The following ANKRD44 variants were observed in gnomAD, a reference collection of about 807,000 sequenced individuals.
ANKRD44 encodes ankyrin repeat domain 44.
In ANKRD44, 35 loss-of-function variants were observed where a neutral mutation model predicts 116.0. The observed-to-expected ratio is 0.30, with a 90% confidence interval of 0.23 to 0.40. The LOEUF is 0.40. Ranked by LOEUF, ANKRD44 falls within the 10% of genes least tolerant of loss-of-function variation. The pLI is 1.00. For missense variants in ANKRD44, 1,014 were observed against 1,242.6 expected, an observed-to-expected ratio of 0.82 and a Z score of 2.77; for synonymous variants, 435 against 461.8, an observed-to-expected ratio of 0.94 and a Z score of 0.74.
chr2:197,063,272 G>GA (rs1272912317), intron 16 of ANKRD44, among the ~76,000 whole-genome samples: 1 of 152,084 alleles, frequency 6.6e-6, no homozygotes, highest in African/African-American at 2.4e-5. Flanking sequence ...CTAACAAACA[G>GA]AAAGGACATC....
chr2:197,061,438 A>T (rs1404412751), intron 16 of ANKRD44, among the ~76,000 whole-genome samples: 2 of 152,184 alleles, frequency 1.3e-5, no homozygotes, highest in African/African-American at 4.8e-5. Flanking sequence ...TCTTTACTGG[A>T]CACCTGTGAC....
intron 2 of ANKRD44, among the ~76,000 whole-genome samples, chr2:197,159,024 C>T (rs924469452): frequency 6.6e-6 from 1 of 151,954 alleles, no homozygotes; most frequent in Non-Finnish European, 1.5e-5. Context: ...CACATACACA[C>T]GGTATTAGAA....
rs1375450359 is a variant in ANKRD44, at chr2:196,988,528, G to A, written c.*1063C>T. On this transcript the variant is annotated 3_prime_UTR_variant, in exon 28 of 28. Transcript: ENST00000282272. Reference sequence around the variant, plus strand: ...TTCTCATTTGTGAAGAACCCAACAGGAGTTTTAATTAAATCCAGGATATTA... The same window carrying A: ...TTCTCATTTGTGAAGAACCCAACAGAAGTTTTAATTAAATCCAGGATATTA... 1.0e-6 allele frequency: 1 copy of A among 985,152 alleles called. No homozygotes were observed. The highest frequency in any genetic ancestry group is 6.1e-5 in the Admixed American group (1 of 16,262). The allele number at this position is 985,152 out of a possible 1,614,324, so 61.0% of individuals were successfully genotyped here. A position where few individuals can be genotyped will look rare whatever the true frequency, so the allele number is the denominator to read the frequency against.
At chr2:197,062,175 A>G (rs1219611361) in intron 16 of ANKRD44, among the ~76,000 whole-genome samples, 1 of 152,196 alleles carries the variant, frequency 6.6e-6, no homozygotes, top group African/African-American at 2.4e-5. Flanking sequence ...TAAATTAGGT[A>G]GCTAATGTAA....
chr2:197,015,016 GT>G (rs1349179266), intron 17 of ANKRD44: 7 of 204,844 alleles, frequency 3.4e-5, no homozygotes, highest in South Asian at 1.8e-4. Flanking sequence ...TTGTTTATTG[GT>G]GGCCTGACTC....
In ANKRD44 at chr2:197,050,197, C is replaced by CA. The variant is rs2077080094; in HGVS notation, c.1651-24931dup. Among the ~76,000 whole-genome samples the CA allele has an allele frequency of 2.6e-5, 4 of 152,036 alleles. No homozygotes were observed. The South Asian group carries it at 8.3e-4, about 32-fold the overall frequency. ...TTTAAATGACCAGCTCTCATAAGAA[C>CA]ACCCTCACTATCACAATGACAACAC... On this transcript the variant is annotated intron_variant, in intron 16 of 27. Transcript: ENST00000282272.
chr2:197,100,912 C>T (rs2078278060), intron 9 of ANKRD44, among the ~76,000 whole-genome samples: 1 of 151,914 alleles, frequency 6.6e-6, no homozygotes, highest in Non-Finnish European at 1.5e-5. Flanking sequence ...TGTATATATA[C>T]AATTGGTCTA....
downstream of ANKRD44, among the ~76,000 whole-genome samples, chr2:196,985,700 T>G (rs17450143): frequency 3.8e-3 from 575 of 152,248 alleles, 3 homozygotes; most frequent in African/African-American, 0.013. Flanking sequence ...CTGTAATAAC[T>G]GCTAACATTC....
chr2:197,089,127 A>T (rs1014128626), intron 11 of ANKRD44, among the ~76,000 whole-genome samples: 7 of 152,194 alleles, frequency 4.6e-5, no homozygotes, highest in Non-Finnish European at 1.0e-4. Context: ...CAAAGGAATA[A>T]TCTTAGCATG....
At chr2:197,110,957 T>C in intron 8 of ANKRD44, 113 bp from the exon 9 acceptor site, 2 of 752,114 alleles carry the variant, frequency 2.7e-6, no homozygotes, top group Admixed American at 2.0e-5. Context: ...TTCATTTATT[T>C]ATTTATTTTT....
At chr2:197,082,953 C>A (rs1215382073) in intron 14 of ANKRD44, among the ~76,000 whole-genome samples, 1 of 152,146 alleles carries the variant, frequency 6.6e-6, no homozygotes, top group Non-Finnish European at 1.5e-5. Context: ...TTTACATGTA[C>A]TAATGCTGAA....
At chr2:197,030,604 G>A (rs2076686568) in intron 16 of ANKRD44, among the ~76,000 whole-genome samples, 1 of 152,114 alleles carries the variant, frequency 6.6e-6, no homozygotes. Flanking sequence ...CCTGATCATG[G>A]GGCAGAGGCA....
At chr2:197,012,503 T>C (rs1226906835) in intron 18 of ANKRD44, among the ~76,000 whole-genome samples, 1 of 151,538 alleles carries the variant, frequency 6.6e-6, no homozygotes, top group African/African-American at 2.4e-5. Flanking sequence ...TGAGAATTTA[T>C]AATTCAACCA....
At chr2:197,143,487 G>C (rs1390565545) in intron 3 of ANKRD44, among the ~76,000 whole-genome samples, 1 of 151,514 alleles carries the variant, frequency 6.6e-6, no homozygotes, top group African/African-American at 2.4e-5. Context: ...TACTGAGAAT[G>C]ATGATTTCCA....
At position 197,089,980 on chromosome 2, in the gene ANKRD44, A is replaced by G; in HGVS notation, c.1153T>C (p.Ser385Pro). 1 of 1,614,116 alleles carries G rather than the reference A, an allele frequency of 6.2e-7. No homozygotes were observed. Among genetic ancestry groups the G allele is most frequent in the South Asian group, 1.1e-5 (1 of 91,086 alleles). The change falls in exon 11 of 28, where the codon TCT (serine) becomes CCT (proline). Residue 385 changes from serine to proline, a missense_variant. Physicochemically the swap from Ser to Pro is moderately conservative, Grantham distance 74 (BLOSUM62 -1). Coordinates refer to ENST00000282272, the MANE Select transcript of ANKRD44 (RefSeq NM_001195144.2). ...PLHLAALNAH[S>P]DCCRKLLSSG... Reference sequence around the variant, plus strand: ...GATAACAACTTTCTGCAGCAGTCAGAGTGAGCATTTAGGGCAGCTAAATGT... The same window carrying G: ...GATAACAACTTTCTGCAGCAGTCAGGGTGAGCATTTAGGGCAGCTAAATGT...
chr2:197,246,821 AG>A (rs1354284310), intron 1 of ANKRD44, among the ~76,000 whole-genome samples: 1 of 152,188 alleles, frequency 6.6e-6, no homozygotes, highest in Non-Finnish European at 1.5e-5. Context: ...TTTAGAGATG[AG>A]GAAACTGAGG....
chr2:197,144,500 T>C (rs2079447951), intron 3 of ANKRD44, among the ~76,000 whole-genome samples: 2 of 152,146 alleles, frequency 1.3e-5, no homozygotes, highest in Admixed American at 1.3e-4. Flanking sequence ...AAAATAAAAG[T>C]CAAGTGAATT....
intron 4 of ANKRD44, among the ~76,000 whole-genome samples, chr2:197,129,940 T>C (rs1429642285): frequency 6.6e-6 from 1 of 152,240 alleles, no homozygotes; most frequent in Non-Finnish European, 1.5e-5. Flanking sequence ...GGGGTCAAAA[T>C]GTTATACAAC....
chr2:196,972,748 C>G (rs577168816), intron 21 of ANKRD44, among the ~76,000 whole-genome samples: 1 of 152,170 alleles, frequency 6.6e-6, no homozygotes, highest in South Asian at 2.1e-4. Context: ...TAGGTATCTG[C>G]ATCATACTAG....
Sources: gnomAD v4.1 joint callset for allele counts (sites outside exome capture counted in the v4.1 genomes callset) on GRCh38, gnomAD v4.1.1 for gene constraint, MANE v1.5 for transcripts, NCBI Gene and HGNC (gene_info 2026-07-23, HGNC 2026-07-21) for gene names.